The following PHF7 variants were observed in gnomAD, a reference collection of about 807,000 sequenced individuals.
The protein encoded by PHF7 is PHD finger protein 7.
In PHF7, 24 loss-of-function variants were observed where a neutral mutation model predicts 47.5. The ratio of observed to expected loss-of-function variants is 0.51; its 90% CI spans 0.37 to 0.71. The LOEUF (loss-of-function observed/expected upper bound fraction) is 0.71. Ranked by LOEUF, PHF7 falls within the 30% of genes least tolerant of loss-of-function variation. The pLI is 0.00. For missense variants in PHF7, 361 were observed against 456.8 expected (o/e 0.79, Z 1.91); for synonymous variants, 156 against 153.8 (o/e 1.01, Z -0.11).
intron 1 of PHF7, among the ~76,000 whole-genome samples, chr3:52,411,942 C>T (rs760192907): frequency 2.2e-4 from 34 of 152,124 alleles, no homozygotes; most frequent in Non-Finnish European, 4.3e-4. Flanking sequence ...GAGGTCAGGC[C>T]TGGTGGCTCA....
At position 52,414,496 on chromosome 3, in the gene PHF7, T is replaced by A. The variant is rs1578238823; in HGVS notation, c.95T>A (p.Val32Asp). ...AAATTCTGGGTGTCCTCTCTTCCAG[T>A]TTGCTGGCTATGCCTTCGAGAACCT... is the stretch of plus-strand genomic sequence containing the variant. The part of the protein sequence containing the change: ...VTQRKPSSGP[V>D]CWLCLREPGD... Residue 32 changes from valine to aspartate, a missense_variant and splice_region_variant, in exon 4 of 11, where the codon GTT (valine) becomes GAT (aspartate). Transcript: ENST00000327906. The A allele has an allele frequency of 6.2e-7, 1 of 1,602,100 alleles. No individual in the cohort carries two copies. Among genetic ancestry groups the A allele is most frequent in the East Asian group, 2.2e-5 (1 of 44,728 alleles).
chr3:52,422,241 G>T lies in PHF7; in HGVS notation c.700G>T (p.Glu234Ter). ...IPDRDAAWEL[E>*]PGAFSDLYQR... is the part of the protein sequence containing the mutation. ...CTGCAGAGATGCTGCCTGGGAACTC[G>T]AGCCAGGGGCTTTCTCAGACTTATA... is the stretch of plus-strand genomic sequence containing the variant. The change falls in exon 9 of 11, where the codon GAG becomes TAG. Residue 234 changes from glutamate (E) to a stop codon, truncating the protein, a stop_gained. Transcript: ENST00000327906. LOFTEE classifies it high-confidence loss of function. 6.2e-7 allele frequency: 1 copy of T among 1,613,226 alleles called. No individual in the cohort carries two copies. The highest frequency in any genetic ancestry group is 8.5e-7 in the Non-Finnish European group (1 of 1,179,198).
intron 4 of PHF7, among the ~76,000 whole-genome samples, chr3:52,416,278 C>G (rs574667346): frequency 6.6e-6 from 1 of 150,932 alleles, no homozygotes; most frequent in Non-Finnish European, 1.5e-5. Flanking sequence ...CTCCACCTCC[C>G]GGGTTGGAGC....
rs553459311 is a variant in PHF7 at position 52,423,075 on chromosome 3, G to T, written c.920-16G>T. Reference sequence around the variant, plus strand: ...GCAGAGGCTTGAGTTTTCCTCTCCTGCCTTTCTCTCACCAGACTACATACC... The same window carrying T: ...GCAGAGGCTTGAGTTTTCCTCTCCTTCCTTTCTCTCACCAGACTACATACC... On this transcript the variant is annotated splice_polypyrimidine_tract_variant and intron_variant, in intron 10 of 10. Coordinates refer to ENST00000327906, the MANE Select transcript of PHF7 (RefSeq NM_016483.7). The T allele has an allele frequency of 3.1e-5, 49 of 1,577,456 alleles. No homozygotes were observed. In the South Asian group the frequency reaches 5.1e-4, roughly 16 times the overall value.
intron 2 of PHF7, 139 bp from the exon 3 acceptor site, chr3:52,413,857 T>A (rs761386002): frequency 9.3e-6 from 6 of 647,380 alleles, no homozygotes; most frequent in Non-Finnish European, 1.7e-5. Flanking sequence ...ATGTGAAATA[T>A]GAAAAGAAGC....
intron 2 of PHF7, among the ~76,000 whole-genome samples, chr3:52,413,644 GGCCAACATGGTGA>G (rs1705531716): frequency 6.6e-6 from 1 of 152,162 alleles, no homozygotes; most frequent in African/African-American, 2.4e-5. Context: ...AGACCAGCCT[GGCCAACATGGTGA>G]AACCCCGTCT....
chr3:52,421,819 G>T, intron 8 of PHF7, 65 bp downstream of exon 8: 1 of 817,994 alleles, frequency 1.2e-6, no homozygotes, highest in African/African-American at 1.7e-5. Flanking sequence ...TAGAGAGGAG[G>T]TGAGTGAGAG....
At chr3:52,421,465 A>G (rs780667636) in intron 7 of PHF7, among the ~76,000 whole-genome samples, 183 bp from the exon 8 acceptor site, 8 of 152,134 alleles carry the variant, frequency 5.3e-5, no homozygotes, top group Non-Finnish European at 1.2e-4. Context: ...TTCTCTTGAA[A>G]GTATTTTGGT....
intron 6 of PHF7, 108 bp from the exon 7 acceptor site, chr3:52,420,795 G>T: frequency 1.1e-6 from 1 of 934,724 alleles, no homozygotes. Flanking sequence ...CCCATGTGTG[G>T]AGGTTCACTG....
At chr3:52,415,307 C>G (rs1016024465) in intron 4 of PHF7, among the ~76,000 whole-genome samples, 1 of 152,140 alleles carries the variant, frequency 6.6e-6, no homozygotes, top group African/African-American at 2.4e-5. Flanking sequence ...AGTGATTCTC[C>G]TGCCTCAGCC....
At chr3:52,413,111 C>G (rs529060332) in intron 2 of PHF7, among the ~76,000 whole-genome samples, 191 bp downstream of exon 2, 1 of 152,322 alleles carries the variant, frequency 6.6e-6, no homozygotes, top group South Asian at 2.1e-4. Flanking sequence ...ACTCTGGAAC[C>G]TTACTACCCA....
intron 2 of PHF7, 37 bp downstream of exon 2, chr3:52,412,957 G>C: frequency 6.6e-7 from 1 of 1,526,386 alleles, no homozygotes; most frequent in Non-Finnish European, 9.1e-7. Flanking sequence ...GGGAGAAATT[G>C]TCCAATGGCC....
chr3:52,422,093 T>C lies in PHF7; in HGVS notation c.681-129T>C, dbSNP rs892557938. On this transcript the variant is annotated intron_variant, in intron 8 of 10. Coordinates refer to ENST00000327906, the MANE Select transcript of PHF7 (RefSeq NM_016483.7). ...CTGCCAGGCCACTTGGCCAGCCTTG[T>C]TGGAAGTGTTCAGGCAGCCTACTGA... is the stretch of plus-strand genomic sequence containing the variant. The C allele has an allele frequency of 2.7e-5, 20 of 733,526 alleles. No individual in the cohort carries two copies. The African/African-American group carries it at 2.7e-4, about 10-fold the overall frequency. The allele number at this position is 733,526 out of a possible 1,614,324, so 45.4% of individuals were successfully genotyped here. A position where few individuals can be genotyped will look rare whatever the true frequency, so the allele number is the denominator to read the frequency against.
Position 52,412,842 on chromosome 3 carries a change from A to T in PHF7, c.-38A>T. The T allele has an allele frequency of 6.6e-7, 1 of 1,522,440 alleles. No individual in the cohort carries two copies. Among genetic ancestry groups the T allele is most frequent in the Non-Finnish European group, 9.1e-7 (1 of 1,098,672 alleles). 94.3% of individuals were successfully genotyped at this position (1,522,440 alleles called of 1,614,324 possible). On this transcript the variant is annotated 5_prime_UTR_variant, in exon 2 of 11. Transcript: ENST00000327906. ...GAGCCTGTATTGTCCTCACAATAGT[A>T]TAGAAGAATTCAAGAGAGGAGAGAG...
chr3:52,423,470 G>A lies in PHF7; in HGVS notation c.*153G>A, dbSNP rs1705860346. The A allele has an allele frequency of 1.6e-6, 1 of 606,864 alleles. No homozygotes were observed. Among genetic ancestry groups the A allele is most frequent in the African/African-American group, 1.9e-5 (1 of 53,892 alleles). 37.6% of individuals were successfully genotyped at this position (606,864 alleles called of 1,614,324 possible). ...GCAAAGAGAAGTCTCAGTGGAGCAT[G>A]AGGAGGGAGCAGTCCAGATGCCAAC... On this transcript the variant is annotated 3_prime_UTR_variant, in exon 11 of 11. Coordinates refer to ENST00000327906, the MANE Select transcript of PHF7 (RefSeq NM_016483.7).
intron 2 of PHF7, among the ~76,000 whole-genome samples, chr3:52,413,149 C>T (rs1705510942): frequency 6.6e-6 from 1 of 152,184 alleles, no homozygotes; most frequent in Non-Finnish European, 1.5e-5. Context: ...TGCCACTTGC[C>T]AATAACTGTG....
chr3:52,422,313 G>C lies in PHF7; in HGVS notation c.772G>C (p.Gly258Arg). 6.2e-7 allele frequency: 1 copy of C among 1,612,096 alleles called. No individual in the cohort carries two copies. Among genetic ancestry groups the C allele is most frequent in the Non-Finnish European group, 8.5e-7 (1 of 1,178,078 alleles). ...TGCCCCCATCTGTCTGTATGAACAAGGCAGAGACAGCTTTGAGGATGAAGG... is the reference window on the plus strand; with the variant it reads ...TGCCCCCATCTGTCTGTATGAACAACGCAGAGACAGCTTTGAGGATGAAGG... The part of the protein sequence containing the change: ...CDAPICLYEQ[G>R]RDSFEDEGRW... The change falls in exon 9 of 11, where the codon GGC becomes CGC. Residue 258 changes from glycine (G) to arginine (R), a missense_variant. Transcript: ENST00000327906.
chr3:52,419,701 G>C (rs1234563290), intron 4 of PHF7, 132 bp from the exon 5 acceptor site: 1 of 700,508 alleles, frequency 1.4e-6, no homozygotes, highest in South Asian at 1.5e-5. Flanking sequence ...AAAGTGCCGG[G>C]ATTACAGGCA....
At chr3:52,411,465 G>A (rs1705431344) in intron 1 of PHF7, 1 of 152,348 alleles carries the variant, frequency 6.6e-6, no homozygotes, top group Non-Finnish European at 1.5e-5. Context: ...GCACAAAGAA[G>A]GGGAGGGCAG....
Sources: allele counts gnomAD v4.1 joint callset (sites outside exome capture counted in the v4.1 genomes callset), GRCh38; gene constraint gnomAD v4.1.1; transcripts MANE v1.5; gene names NCBI Gene and HGNC (gene_info 2026-07-23, HGNC 2026-07-21).